CADM2: variants seen among roughly 807,000 people sequenced by gnomAD.
CADM2 encodes immunoglobulin superfamily member 4D.
Under a neutral mutation model 49.8 loss-of-function variants are expected in CADM2, and 12 were observed. The ratio of observed to expected loss-of-function variants is 0.24; its 90% CI spans 0.15 to 0.39. The LOEUF (loss-of-function observed/expected upper bound fraction) is 0.39. CADM2 is among the 10% of genes least tolerant of loss of function. The pLI is 1.00. For missense variants in CADM2, 378 were observed against 492.3 expected (o/e 0.77, Z 2.20); for synonymous variants, 214 against 175.4 (o/e 1.22, Z -1.74).
chr3:85,540,076 G>A (rs762679458), intron 1 of CADM2, among the ~76,000 whole-genome samples: 3 of 151,982 alleles, frequency 2.0e-5, no homozygotes, highest in Non-Finnish European at 4.4e-5. Context: ...CTATTCTCCC[G>A]TAAGTGCGAT....
intron 1 of CADM2, among the ~76,000 whole-genome samples, chr3:85,326,205 CTTCAT>C (rs564211611): frequency 1.3e-5 from 2 of 151,816 alleles, no homozygotes; most frequent in African/African-American, 2.4e-5. Context: ...AGTAAACAGT[CTTCAT>C]TTCAAGTGTT....
chr3:85,750,300 G>A (rs1324046294), intron 2 of CADM2, among the ~76,000 whole-genome samples: 1 of 152,008 alleles, frequency 6.6e-6, no homozygotes, highest in African/African-American at 2.4e-5. Context: ...TGTGAATGGT[G>A]TGTTCTCTGC....
At chr3:86,017,192 AT>A in intron 8 of CADM2, among the ~76,000 whole-genome samples, 1 of 140,938 alleles carries the variant, frequency 7.1e-6, no homozygotes, top group African/African-American at 2.7e-5. Context: ...ATATATATAT[AT>A]AATTTACACT....
At chr3:84,995,043 A>C (rs963617648) in intron 1 of CADM2, among the ~76,000 whole-genome samples, 1 of 152,170 alleles carries the variant, frequency 6.6e-6, no homozygotes, top group Non-Finnish European at 1.5e-5. Context: ...AAATAAATAA[A>C]TAAATAAAAG....
intron 1 of CADM2, among the ~76,000 whole-genome samples, chr3:85,368,009 G>A (rs898313228): frequency 2.0e-5 from 3 of 152,054 alleles, no homozygotes; most frequent in South Asian, 2.1e-4. Context: ...AGACTACAAC[G>A]TAGAAGAAAT....
At chr3:85,501,668 C>A (rs1350490809) in intron 1 of CADM2, among the ~76,000 whole-genome samples, 2 of 151,920 alleles carry the variant, frequency 1.3e-5, no homozygotes, top group Admixed American at 6.6e-5. Flanking sequence ...TTTACATATT[C>A]TTTTGTATTT....
At chr3:85,669,731 A>C (rs928992501) in intron 1 of CADM2, among the ~76,000 whole-genome samples, 1 of 152,152 alleles carries the variant, frequency 6.6e-6, no homozygotes, top group African/African-American at 2.4e-5. Flanking sequence ...TTTAAGCCTA[A>C]GGAAATATAA....
intron 1 of CADM2, among the ~76,000 whole-genome samples, chr3:85,625,016 G>A (rs780906729): frequency 5.9e-5 from 9 of 151,954 alleles, no homozygotes; most frequent in Non-Finnish European, 1.2e-4. Context: ...CTAAGCTTCG[G>A]TTCCTCATCT....
At chr3:85,034,813 T>C (rs929530974) in intron 1 of CADM2, among the ~76,000 whole-genome samples, 1 of 145,166 alleles carries the variant, frequency 6.9e-6, no homozygotes, top group African/African-American at 2.6e-5. Context: ...TTTTTTTTTT[T>C]TACCTCCTGA....
In CADM2 at chr3:85,932,177, T is replaced by C. The variant is rs958857170; in HGVS notation, c.701-3590T>C. 2.0e-5 allele frequency among the ~76,000 whole-genome samples: 3 copies of C among 150,450 alleles called. No individual in the cohort carries two copies. In the East Asian group the frequency reaches 5.9e-4, roughly 29 times the overall value. On this transcript the variant is annotated intron_variant, in intron 6 of 9. Coordinates refer to ENST00000383699, the MANE Select transcript of CADM2 (RefSeq NM_001167675.2). ...TATTTAGAAGATAAATTAACAAGAG[T>C]TCATGGGTAATTGATTATGGAAAAA...
At chr3:85,701,925 A>G (rs995398756) in intron 1 of CADM2, among the ~76,000 whole-genome samples, 3 of 152,072 alleles carry the variant, frequency 2.0e-5, no homozygotes, top group Admixed American at 6.6e-5. Context: ...AGAAAAAGGA[A>G]GAAAGAAAAA....
chr3:85,307,038 T>C (rs1020396976), intron 1 of CADM2, among the ~76,000 whole-genome samples: 7 of 151,670 alleles, frequency 4.6e-5, no homozygotes, highest in Admixed American at 3.3e-4. Flanking sequence ...AATGGATGCA[T>C]TATTGTGTGC....
intron 1 of CADM2, among the ~76,000 whole-genome samples, chr3:85,470,261 T>C (rs1368750): frequency 0.51 from 78,179 of 151,992 alleles, 23,070 homozygotes; most frequent in East Asian, 0.83. Flanking sequence ...TATATGCATC[T>C]TAAGGTGGTG....
intron 8 of CADM2, chr3:85,979,377 T>C (rs1727199002): frequency 2.1e-6 from 3 of 1,411,560 alleles, no homozygotes; most frequent in African/African-American, 1.4e-5. Flanking sequence ...GATTCAATTT[T>C]ACTTAATTAT....
chr3:86,014,529 G>A (rs2106944281), intron 8 of CADM2: 2 of 1,570,960 alleles, frequency 1.3e-6, no homozygotes, highest in African/African-American at 2.7e-5. Flanking sequence ...AGGTAACTTG[G>A]AATCTCAGCT....
At chr3:85,896,429 A>G (rs1715224108) in intron 5 of CADM2, among the ~76,000 whole-genome samples, 1 of 152,220 alleles carries the variant, frequency 6.6e-6, no homozygotes, top group African/African-American at 2.4e-5. Flanking sequence ...GTAATAAGAA[A>G]TGTATAAGTT....
intron 2 of CADM2, among the ~76,000 whole-genome samples, chr3:85,772,274 T>G (rs2070133777): frequency 6.6e-6 from 1 of 152,056 alleles, no homozygotes; most frequent in Admixed American, 6.6e-5. Flanking sequence ...CTTTTTTCTT[T>G]TTACTAAAAC....
At chr3:85,209,950 T>G (rs1284735101) in intron 1 of CADM2, among the ~76,000 whole-genome samples, 1 of 152,228 alleles carries the variant, frequency 6.6e-6, no homozygotes, top group Non-Finnish European at 1.5e-5. Context: ...ATAGTTATTT[T>G]GATGATTTAA....
intron 1 of CADM2, among the ~76,000 whole-genome samples, chr3:85,714,078 C>T (rs1360963730): frequency 6.6e-6 from 1 of 152,192 alleles, no homozygotes; most frequent in Non-Finnish European, 1.5e-5. Flanking sequence ...CATACAGAAA[C>T]TTGCCTTGCC....
Sources: gnomAD v4.1 joint callset for allele counts (sites outside exome capture counted in the v4.1 genomes callset) on GRCh38, gnomAD v4.1.1 for gene constraint, MANE v1.5 for transcripts, NCBI Gene and HGNC (gene_info 2026-07-23, HGNC 2026-07-21) for gene names.